Variants in JKAMP observed in about 807,000 individuals in gnomAD.
JKAMP encodes JNK1/MAPK8 associated membrane protein, also known as JNK1/MAPK8-associated membrane protein.
A neutral mutation model predicts 40.2 loss-of-function variants in JKAMP; 20 were observed. The observed-to-expected ratio is 0.50, with a 90% CI of 0.35 to 0.72. JKAMP has a LOEUF of 0.72. JKAMP is among the 30% of genes least tolerant of loss of function. JKAMP has a pLI of 0.01. For missense variants in JKAMP, 276 were observed against 373.0 expected (o/e 0.74, Z 2.14); for synonymous variants, 138 against 131.6 (o/e 1.05, Z -0.33).
intron 5 of JKAMP, 34 bp from the exon 6 acceptor site, chr14:59,501,157 C>T: frequency 7.5e-7 from 1 of 1,328,608 alleles, no homozygotes; most frequent in Non-Finnish European, 1.1e-6. Context: ...AAATTTGTTT[C>T]ATTTCCAACA....
intron 5 of JKAMP, among the ~76,000 whole-genome samples, chr14:59,500,170 A>AT (rs1244375074): frequency 2.1e-4 from 32 of 152,314 alleles, no homozygotes; most frequent in African/African-American, 7.2e-4. Flanking sequence ...TGAAAAGTTG[A>AT]TTGAGGACCT....
intron 1 of JKAMP, 197 bp downstream of exon 1, chr14:59,484,790 G>A (rs889270620): frequency 4.0e-5 from 36 of 897,446 alleles, no homozygotes; most frequent in Non-Finnish European, 5.9e-5. Flanking sequence ...GCTACTAGGG[G>A]AGGCGCGCTG....
chr14:59,486,736 C>T lies in JKAMP; in HGVS notation c.28C>T (p.Leu10Phe). The T allele has an allele frequency of 6.3e-7, 1 of 1,593,290 alleles. No homozygotes were observed. The highest frequency in any genetic ancestry group is 8.6e-7 in the Non-Finnish European group (1 of 1,168,428). Residue 10 changes from leucine (L) to phenylalanine (F), a missense_variant, in exon 2 of 7, where the codon CTT becomes TTT. Coordinates refer to ENST00000616435, the MANE Select transcript of JKAMP (RefSeq NM_016475.5). ...AGCTGTCGATATTCAACCAGCATGC[C>T]TTGGACTTTATTGTGGGAAGACCCT... MAVDIQPAC[L>F]GLYCGKTLLF...
intron 4 of JKAMP, among the ~76,000 whole-genome samples, chr14:59,495,821 A>G (rs1216959273): frequency 3.3e-5 from 5 of 152,252 alleles, no homozygotes; most frequent in Non-Finnish European, 7.3e-5. Flanking sequence ...TAATAATAAA[A>G]CATCAAAAAC....
intron 6 of JKAMP, among the ~76,000 whole-genome samples, chr14:59,501,753 G>A (rs1265013499): frequency 6.6e-6 from 1 of 152,142 alleles, no homozygotes; most frequent in Admixed American, 6.5e-5. Context: ...ATGTTTGGGG[G>A]ATTTGGAGCT....
At chr14:59,499,779 C>G (rs567801346) in intron 5 of JKAMP, among the ~76,000 whole-genome samples, 3 of 152,234 alleles carry the variant, frequency 2.0e-5, no homozygotes, top group South Asian at 2.1e-4. Flanking sequence ...ACCAGAAATT[C>G]TGTTATCCGC....
At chr14:59,502,768 T>G (rs1566584052) in intron 6 of JKAMP, among the ~76,000 whole-genome samples, 2 of 140,394 alleles carry the variant, frequency 1.4e-5, no homozygotes, top group African/African-American at 2.7e-5. Context: ...TTTTTTTTTT[T>G]TTTTTCGGAG....
In JKAMP at chr14:59,498,918, A is replaced by T. The variant is rs78673665; in HGVS notation, c.640+10A>T. Reference sequence around the variant, plus strand: ...GGTGGAGGCCTTTTATGTAAGTTTGATGGGTAAAGTCAATGAAATATATTT... The same window carrying T: ...GGTGGAGGCCTTTTATGTAAGTTTGTTGGGTAAAGTCAATGAAATATATTT... On this transcript the variant is annotated intron_variant, in intron 5 of 6. Transcript: ENST00000616435. 8.3e-4 allele frequency: 1,266 copies of T among 1,518,470 alleles called. 20 individuals are homozygous for T. The East Asian group carries it at 0.03, about 36-fold the overall frequency. 94.1% of individuals were successfully genotyped at this position (1,518,470 alleles called of 1,614,324 possible).
Position 59,504,447 on chromosome 14 carries a change from T to C in JKAMP, c.*375T>C. On this transcript the variant is annotated 3_prime_UTR_variant, in exon 7 of 7. Transcript: ENST00000616435. Reference sequence around the variant, plus strand: ...GCAGTCCTTAACAGTGGCGTAATTGTACTTACCTGTTGTGTTTCAGTTTGT... The same window carrying C: ...GCAGTCCTTAACAGTGGCGTAATTGCACTTACCTGTTGTGTTTCAGTTTGT... The C allele has an allele frequency of 5.5e-6, 1 of 183,408 alleles. No individual in the cohort carries two copies. 11.4% of individuals were successfully genotyped at this position (183,408 alleles called of 1,614,324 possible).
chr14:59,495,457 C>G (rs1371103744), intron 4 of JKAMP, among the ~76,000 whole-genome samples: 1 of 152,006 alleles, frequency 6.6e-6, no homozygotes, highest in East Asian at 1.9e-4. Context: ...TCCACACATT[C>G]TAGATACCAT....
chr14:59,486,010 A>G (rs1890539609), intron 1 of JKAMP: 1 of 152,248 alleles, frequency 6.6e-6, no homozygotes. Flanking sequence ...GTCAAAGACA[A>G]CGTATTAGGT....
rs1271507 is a variant in JKAMP at position 59,498,711 on chromosome 14, T to C, written c.459-16T>C. On this transcript the variant is annotated splice_polypyrimidine_tract_variant and intron_variant, in intron 4 of 6. Coordinates refer to ENST00000616435, the MANE Select transcript of JKAMP (RefSeq NM_016475.5). ...AAACATTTTTGATGTTACAAATTCT[T>C]TATTTTATTTTACAGATATACCATT... 474,525 of 1,303,770 alleles carry C rather than the reference T, an allele frequency of 0.36. 92,431 individuals are homozygous for C. The highest frequency in any genetic ancestry group is 0.67 in the African/African-American group (43,944 of 66,010). The allele number at this position is 1,303,770 out of a possible 1,614,324, so 80.8% of individuals were successfully genotyped here.
intron 1 of JKAMP, 89 bp downstream of exon 1, chr14:59,484,682 C>T: frequency 6.8e-7 from 1 of 1,472,374 alleles, no homozygotes; most frequent in Non-Finnish European, 9.3e-7. Flanking sequence ...TCTTTGTAGG[C>T]GGCCTTCGGT....
At chr14:59,490,275 A>C (rs1890891156) in intron 3 of JKAMP, among the ~76,000 whole-genome samples, 1 of 152,026 alleles carries the variant, frequency 6.6e-6, no homozygotes, top group South Asian at 2.1e-4. Flanking sequence ...GTGAGAACTC[A>C]CTCATTACTG....
At chr14:59,500,372 G>A (rs1891784319) in intron 5 of JKAMP, among the ~76,000 whole-genome samples, 1 of 152,074 alleles carries the variant, frequency 6.6e-6, no homozygotes, top group African/African-American at 2.4e-5. Context: ...TACAAATAAT[G>A]TATGAAAAAA....
chr14:59,499,921 G>A (rs963581859), intron 5 of JKAMP, among the ~76,000 whole-genome samples: 2 of 152,132 alleles, frequency 1.3e-5, no homozygotes, highest in East Asian at 3.8e-4. Flanking sequence ...TACCCTCTCT[G>A]TCTTTTGAGG....
intron 4 of JKAMP, among the ~76,000 whole-genome samples, chr14:59,495,700 AT>A (rs1260750590): frequency 6.6e-6 from 1 of 152,164 alleles, no homozygotes; most frequent in African/African-American, 2.4e-5. Context: ...TCATTTTGAT[AT>A]TTTTTGGGGG....
Position 59,487,820 on chromosome 14 carries a change from GA to G in JKAMP, c.248del (p.Lys83ArgfsTer26). ...HWFFIEWYSG[K>X]KSSSALFQHI... ...GGTTCTTCATTGAATGGTACTCGGG[GA>G]AAAAGAGGTTAGCACATTTCTATGA... is the stretch of plus-strand genomic sequence containing the variant. On this transcript the variant is annotated frameshift_variant, in exon 3 of 7. Coordinates refer to ENST00000616435, the MANE Select transcript of JKAMP (RefSeq NM_016475.5). LOFTEE classifies it high-confidence loss of function. 1.2e-6 allele frequency: 2 copies of G among 1,613,296 alleles called. No homozygotes were observed. Among genetic ancestry groups the G allele is most frequent in the Non-Finnish European group, 8.5e-7 (1 of 1,179,484 alleles).
At chr14:59,499,112 C>T (rs1372165298) in intron 5 of JKAMP, among the ~76,000 whole-genome samples, 1 of 145,314 alleles carries the variant, frequency 6.9e-6, no homozygotes, top group Non-Finnish European at 1.5e-5. Flanking sequence ...CAACCTCCGC[C>T]TCCTGGGTTC....
Sources: gnomAD v4.1 joint callset for allele counts (sites outside exome capture counted in the v4.1 genomes callset) on GRCh38, gnomAD v4.1.1 for gene constraint, MANE v1.5 for transcripts, NCBI Gene and HGNC (gene_info 2026-07-23, HGNC 2026-07-21) for gene names.